The following RFC3 variants were observed in gnomAD, a reference collection of about 807,000 sequenced individuals.
RFC3 encodes A1 38 kDa subunit.
In RFC3, 41 loss-of-function variants were observed where a neutral mutation model predicts 45.1. The ratio of observed to expected loss-of-function variants is 0.91; its 90% CI spans 0.71 to 1.18. The LOEUF (loss-of-function observed/expected upper bound fraction) is 1.18. Among genes scored for constraint, RFC3 ranks in the 50% most tolerant of loss-of-function variants. RFC3 has a pLI of 0.00. For missense variants in RFC3, 423 were observed against 428.1 expected (o/e 0.99, Z 0.10); for synonymous variants, 149 against 144.0 (o/e 1.03, Z -0.25).
intron 8 of RFC3, among the ~76,000 whole-genome samples, chr13:33,918,578 C>G (rs1470462723): frequency 6.6e-6 from 1 of 152,098 alleles, no homozygotes; most frequent in African/African-American, 2.4e-5. Context: ...TTGCTGCCTC[C>G]CTGCCCATAG....
At chr13:33,818,824 A>G (rs1051012563) in intron 1 of RFC3, among the ~76,000 whole-genome samples, 6 of 149,864 alleles carry the variant, frequency 4.0e-5, no homozygotes, top group Non-Finnish European at 8.9e-5. Flanking sequence ...ATATGTATTT[A>G]CTCCAAAGAT....
intron 8 of RFC3, among the ~76,000 whole-genome samples, chr13:33,884,821 G>C (rs1305889883): frequency 6.6e-6 from 1 of 152,154 alleles, no homozygotes; most frequent in Non-Finnish European, 1.5e-5. Context: ...ACTTGCTCGT[G>C]ATTTTGTTAT....
At chr13:33,834,852 A>G (rs567007265) in intron 7 of RFC3, among the ~76,000 whole-genome samples, 1 of 152,246 alleles carries the variant, frequency 6.6e-6, no homozygotes, top group Admixed American at 6.5e-5. Context: ...TTTTGATATA[A>G]TTAGGAACCC....
chr13:33,911,666 A>T (rs2082704453), intron 8 of RFC3, among the ~76,000 whole-genome samples: 1 of 152,068 alleles, frequency 6.6e-6, no homozygotes, highest in African/African-American at 2.4e-5. Flanking sequence ...AGAGGGACTG[A>T]ACCCAAGGTG....
chr13:33,897,422 G>A (rs1424924310), intron 8 of RFC3, among the ~76,000 whole-genome samples: 1 of 151,210 alleles, frequency 6.6e-6, no homozygotes, highest in Non-Finnish European at 1.5e-5. Flanking sequence ...CTATAATAGA[G>A]TCACTAAAAA....
At chr13:33,972,848 C>T in the RFC3 span, among the ~76,000 whole-genome samples, 1 of 152,008 alleles carries the variant, frequency 6.6e-6, no homozygotes, top group African/African-American at 2.4e-5. Flanking sequence ...ATGACATTGT[C>T]GTAGGTACTT....
chr13:33,966,004 A>G (rs2083085837), intron 8 of RFC3: 1 of 1,001,176 alleles, frequency 1.0e-6, no homozygotes, highest in African/African-American at 1.6e-5. Flanking sequence ...AGTGTATTAC[A>G]CATCCTTTGT....
intron 8 of RFC3, among the ~76,000 whole-genome samples, chr13:33,882,604 A>G (rs2082492412): frequency 6.6e-6 from 1 of 152,180 alleles, no homozygotes. Flanking sequence ...ACCTCACCCA[A>G]CAGTGGACCT....
chr13:33,916,816 G>A (rs1288743742), intron 8 of RFC3, among the ~76,000 whole-genome samples: 1 of 150,922 alleles, frequency 6.6e-6, no homozygotes, highest in East Asian at 1.9e-4. Flanking sequence ...GTGTATATAT[G>A]TGTGTATGCA....
chr13:33,926,907 A>C (rs2082817586), intron 8 of RFC3, among the ~76,000 whole-genome samples: 1 of 151,206 alleles, frequency 6.6e-6, no homozygotes, highest in South Asian at 2.1e-4. Flanking sequence ...AGAGGAAATG[A>C]TTATATTTGA....
chr13:33,891,577 T>C (rs1343625985), intron 8 of RFC3, among the ~76,000 whole-genome samples: 1 of 152,172 alleles, frequency 6.6e-6, no homozygotes, highest in Non-Finnish European at 1.5e-5. Flanking sequence ...ATATGGTAGA[T>C]CAAGGAGAAA....
intron 8 of RFC3, among the ~76,000 whole-genome samples, chr13:33,938,230 G>A (rs12323242): frequency 0.013 from 1,475 of 111,176 alleles, 30 homozygotes; most frequent in African/African-American, 0.047. Flanking sequence ...AAATGAAAAT[G>A]ACTTCAAAGC....
At chr13:33,963,487 G>A (rs1194585777) in intron 8 of RFC3, among the ~76,000 whole-genome samples, 1 of 152,214 alleles carries the variant, frequency 6.6e-6, no homozygotes, top group Non-Finnish European at 1.5e-5. Context: ...ATCACGCTCT[G>A]CAGTGAGGAC....
intron 1 of RFC3, among the ~76,000 whole-genome samples, chr13:33,818,752 T>A (rs992793058): frequency 1.3e-5 from 2 of 152,210 alleles, no homozygotes; most frequent in Admixed American, 6.5e-5. Flanking sequence ...ACCATGTGAT[T>A]TACTTTCTAG....
intron 8 of RFC3, among the ~76,000 whole-genome samples, chr13:33,932,464 G>T (rs926124870): frequency 6.6e-6 from 1 of 151,876 alleles, no homozygotes; most frequent in Middle Eastern, 3.2e-3. Flanking sequence ...TTATTTATTG[G>T]GATCTTCTTT....
intron 8 of RFC3, among the ~76,000 whole-genome samples, chr13:33,938,250 T>C (rs1354138774): frequency 7.6e-6 from 1 of 131,072 alleles, no homozygotes; most frequent in Non-Finnish European, 1.6e-5. Context: ...CAATGAAATA[T>C]AAAGTAATTG....
At chr13:33,859,591 C>A (rs1347116669) in intron 8 of RFC3, among the ~76,000 whole-genome samples, 2 of 152,132 alleles carry the variant, frequency 1.3e-5, no homozygotes, top group African/African-American at 4.8e-5. Flanking sequence ...GGGTGGCAGA[C>A]TATGGATAAT....
intron 8 of RFC3, among the ~76,000 whole-genome samples, chr13:33,940,764 A>C (rs2082918172): frequency 6.6e-6 from 1 of 152,232 alleles, no homozygotes. Flanking sequence ...TAGAAACCTT[A>C]TAATAGTTTA....
chr13:33,951,356 C>T (rs2082990039), intron 8 of RFC3, among the ~76,000 whole-genome samples: 1 of 151,630 alleles, frequency 6.6e-6, no homozygotes. Context: ...CTCAGCCTCC[C>T]GAGTAGCTGG....
Sources: gnomAD v4.1 joint callset for allele counts (sites outside exome capture counted in the v4.1 genomes callset) on GRCh38, gnomAD v4.1.1 for gene constraint, MANE v1.5 for transcripts, NCBI Gene and HGNC (gene_info 2026-07-23, HGNC 2026-07-21) for gene names.